The following SPRED2 variants were observed in gnomAD, a reference collection of about 807,000 sequenced individuals.
SPRED2 encodes the protein sprouty related EVH1 domain containing 2.
In SPRED2, 47 loss-of-function variants were observed where a neutral mutation model predicts 43.0. That is an observed-to-expected ratio of 1.09 (90% confidence interval 0.87 to 1.40). SPRED2 has a LOEUF of 1.40. SPRED2 is among the 40% of genes most tolerant of loss of function. The pLI, the probability that SPRED2 is intolerant of heterozygous loss-of-function variation, is 0.00. For missense variants in SPRED2, 561 were observed against 586.4 expected (o/e 0.96, Z 0.45); for synonymous variants, 225 against 225.7 (o/e 1.00, Z 0.03).
rs1673123890 is a variant in SPRED2 at position 65,313,352 on chromosome 2, T to C, written c.*149A>G. 4.0e-6 allele frequency: 6 copies of C among 1,487,528 alleles called. No individual in the cohort carries two copies. The highest frequency in any genetic ancestry group is 5.3e-6 in the Non-Finnish European group (6 of 1,128,060). The allele number at this position is 1,487,528 out of a possible 1,614,324, so 92.1% of individuals were successfully genotyped here. A position where few individuals can be genotyped will look rare whatever the true frequency, so the allele number is the denominator to read the frequency against. The stretch of plus-strand genomic sequence containing the variant: ...GAGTCTACCCGGCAGCGTCCCTGGC[T>C]GGAATGGTGCCTCGAGGTACCAGGG... On this transcript the variant is annotated 3_prime_UTR_variant, in exon 6 of 6. Coordinates refer to ENST00000356388, the MANE Select transcript of SPRED2 (RefSeq NM_181784.3).
chr2:65,344,913 A>C lies in SPRED2; in HGVS notation c.27-17T>G, dbSNP rs201662462. 17 of 1,609,690 alleles carry C rather than the reference A, an allele frequency of 1.1e-5. No homozygotes were observed. In the African/African-American group the frequency reaches 2.0e-4, roughly 19 times the overall value. ...TAGCTGTCACTAAAACGACAAGAAG[A>C]AGAAGCACAGGGCATGACAATGGTC... is the stretch of plus-strand genomic sequence containing the variant. On this transcript the variant is annotated splice_polypyrimidine_tract_variant and intron_variant, in intron 1 of 5. Coordinates refer to ENST00000356388, the MANE Select transcript of SPRED2 (RefSeq NM_181784.3).
At chr2:65,426,264 A>G (rs537718189) in intron 1 of SPRED2, among the ~76,000 whole-genome samples, 2 of 152,362 alleles carry the variant, frequency 1.3e-5, no homozygotes, top group African/African-American at 2.4e-5. Flanking sequence ...CAGAGGCTCA[A>G]TGTGAACATG....
In SPRED2 at chr2:65,314,089, G is replaced by C. The variant is rs779041896; in HGVS notation, c.669C>G (p.Ile223Met). The part of the protein sequence containing the change: ...EIVRINPREK[I>M]WMTGYEDYRH... ...GGTAATCCTCGTACCCCGTCATCCAGATCTTCTCCCGGGGGTTGATGCGCA... is the reference window on the plus strand; with the variant it reads ...GGTAATCCTCGTACCCCGTCATCCACATCTTCTCCCGGGGGTTGATGCGCA... The change falls in exon 6 of 6, where the codon ATC (isoleucine) becomes ATG (methionine). Residue 223 changes from isoleucine to methionine, a missense_variant. By Grantham distance (10) the Ile-to-Met change is conservative. Around this residue, in one of 6 missense-constraint regions of SPRED2, gnomAD observed 15 missense variants for 35.4 expected, o/e 0.42. Coordinates refer to ENST00000356388, the MANE Select transcript of SPRED2 (RefSeq NM_181784.3). 6.2e-7 allele frequency: 1 copy of C among 1,613,874 alleles called. No homozygotes were observed. Among genetic ancestry groups the C allele is most frequent in the East Asian group, 2.2e-5 (1 of 44,870 alleles).
At chr2:65,322,952 T>C (rs1349826644) in intron 4 of SPRED2, among the ~76,000 whole-genome samples, 2 of 152,210 alleles carry the variant, frequency 1.3e-5, no homozygotes, top group Non-Finnish European at 2.9e-5. Context: ...AGATACATTC[T>C]ACCGGTCTTT....
At chr2:65,431,261 C>T (rs1377042010) in intron 1 of SPRED2, among the ~76,000 whole-genome samples, 3 of 151,768 alleles carry the variant, frequency 2.0e-5, no homozygotes, top group Admixed American at 6.6e-5. Context: ...CCCGCACGCC[C>T]CCGCCGCACA....
intron 3 of SPRED2, 74 bp downstream of exon 3, chr2:65,334,531 G>A: frequency 6.5e-7 from 1 of 1,544,006 alleles, no homozygotes; most frequent in Non-Finnish European, 8.8e-7. Context: ...ATAAATGATG[G>A]CAGACTATTG....
At chr2:65,310,428 T>C (rs1673036967), downstream of SPRED2, among the ~76,000 whole-genome samples, 1 of 150,732 alleles carries the variant, frequency 6.6e-6, no homozygotes, top group Non-Finnish European at 1.5e-5. Flanking sequence ...GTGTTAACAA[T>C]TGTTTTCTGC....
chr2:65,357,469 G>GT (rs1220198402), intron 1 of SPRED2, among the ~76,000 whole-genome samples: 1 of 152,230 alleles, frequency 6.6e-6, no homozygotes, highest in Non-Finnish European at 1.5e-5. Context: ...GAAGGGACTT[G>GT]TTCAAGGTCA....
chr2:65,373,302 C>G (rs535282089), intron 1 of SPRED2, among the ~76,000 whole-genome samples: 121 of 152,226 alleles, frequency 7.9e-4, no homozygotes, highest in African/African-American at 2.8e-3. Context: ...AGAAAACTGC[C>G]TAACAATAAA....
chr2:65,413,784 C>T (rs1307162858), intron 1 of SPRED2, among the ~76,000 whole-genome samples: 1 of 152,230 alleles, frequency 6.6e-6, no homozygotes, highest in East Asian at 1.9e-4. Context: ...ATAGCCCTAA[C>T]TCCAAAGCTT....
Position 65,334,755 on chromosome 2 carries a change from C to T in SPRED2, c.223G>A (p.Val75Ile), listed in dbSNP as rs61756188. 552 of 1,614,182 alleles carry T rather than the reference C, an allele frequency of 3.4e-4. 3 individuals are homozygous for T. In the South Asian group the frequency reaches 5.8e-3, roughly 17 times the overall value. ...TTGGTGTAGACCAAGTCCTTTCTTA[C>T]ATAGCATTCCAATACCACCTGAAGG... ...KDKLVVLECY[V>I]RKDLVYTKAN... Residue 75 changes from valine to isoleucine, a missense_variant, in exon 3 of 6, where the codon GTA (valine) becomes ATA (isoleucine). Around this residue, in one of 6 missense-constraint regions of SPRED2, gnomAD observed 305 missense variants for 282.4 expected, o/e 1.08. Coordinates refer to ENST00000356388, the MANE Select transcript of SPRED2 (RefSeq NM_181784.3).
chr2:65,430,070 C>T (rs1163519440), intron 1 of SPRED2, among the ~76,000 whole-genome samples: 1 of 152,184 alleles, frequency 6.6e-6, no homozygotes. Flanking sequence ...GGCCAGAGCA[C>T]AGCAACCAGC....
At chr2:65,420,929 C>A (rs1486608614) in intron 1 of SPRED2, among the ~76,000 whole-genome samples, 2 of 152,186 alleles carry the variant, frequency 1.3e-5, no homozygotes, top group African/African-American at 2.4e-5. Flanking sequence ...GCATCAGAAA[C>A]AACACAACCA....
chr2:65,344,760 T>G lies in SPRED2; in HGVS notation c.163A>C (p.Ser55Arg). The G allele has an allele frequency of 6.2e-7, 1 of 1,614,184 alleles. No individual in the cohort carries two copies. Among genetic ancestry groups the G allele is most frequent in the Non-Finnish European group, 8.5e-7 (1 of 1,180,018 alleles). Residue 55 changes from serine (S) to arginine (R), a missense_variant, in exon 2 of 6, where the codon AGC (serine) becomes CGC (arginine). By Grantham distance (110) the Ser-to-Arg change is moderately radical. Coordinates refer to ENST00000356388, the MANE Select transcript of SPRED2 (RefSeq NM_181784.3). The part of the protein sequence containing the change: ...KVMHPEGNGR[S>R]GFLIHGERQK... ...CGTTCACCATGGATGAGAAAGCCGC[T>G]TCGTCCATTGCCTTCGGGGTGCATG... is the stretch of plus-strand genomic sequence containing the variant.
chr2:65,308,028 G>A (rs1384379014), downstream of SPRED2, among the ~76,000 whole-genome samples: 2 of 151,572 alleles, frequency 1.3e-5, no homozygotes, highest in Non-Finnish European at 2.9e-5. Context: ...CCCAGCCTGT[G>A]AGTCCTGTAA....
chr2:65,378,395 A>T (rs1675295274), intron 1 of SPRED2, among the ~76,000 whole-genome samples: 1 of 152,214 alleles, frequency 6.6e-6, no homozygotes, highest in Non-Finnish European at 1.5e-5. Flanking sequence ...AGATGAAATT[A>T]TATGTCAGGG....
chr2:65,408,894 G>A (rs1676090214), intron 1 of SPRED2, among the ~76,000 whole-genome samples: 1 of 151,976 alleles, frequency 6.6e-6, no homozygotes, highest in African/African-American at 2.4e-5. Context: ...GTTCTTAATA[G>A]CCCATAAATA....
Position 65,311,641 on chromosome 2 carries a change from A to T in SPRED2, c.*1860T>A. 1 of 985,782 alleles carries T rather than the reference A, an allele frequency of 1.0e-6. No individual in the cohort carries two copies. Among genetic ancestry groups the T allele is most frequent in the Non-Finnish European group, 1.2e-6 (1 of 829,946 alleles). 61.1% of individuals were successfully genotyped at this position (985,782 alleles called of 1,614,324 possible). The stretch of plus-strand genomic sequence containing the variant: ...TCTAGATGTTCTCCAGGCATGGATG[A>T]GGTTCTCTTTTCTTCCATCAATCCA... On this transcript the variant is annotated 3_prime_UTR_variant, in exon 6 of 6. Transcript: ENST00000356388.
chr2:65,316,422 T>C (rs1488914410), intron 5 of SPRED2, among the ~76,000 whole-genome samples: 1 of 152,222 alleles, frequency 6.6e-6, no homozygotes, highest in Non-Finnish European at 1.5e-5. Context: ...TTCCATCAGA[T>C]ACTCCACCTC....
Sources: allele counts gnomAD v4.1 joint callset (sites outside exome capture counted in the v4.1 genomes callset), GRCh38; gene constraint gnomAD v4.1.1; regional missense constraint gnomAD v4.1.1; transcripts MANE v1.5; gene names NCBI Gene and HGNC (gene_info 2026-07-23, HGNC 2026-07-21).